Variants in SPTLC3 observed in about 807,000 individuals in gnomAD.
The protein encoded by SPTLC3 is serine palmitoyltransferase long chain base subunit 3, also known as serine palmitoyltransferase 3.
SPTLC3 carries 36 observed loss-of-function variants against 59.3 expected under a neutral mutation model. The observed-to-expected ratio is 0.61, with a 90% confidence interval of 0.47 to 0.80. The LOEUF is 0.80. Ranked by LOEUF, SPTLC3 falls within the 30% of genes least tolerant of loss-of-function variation. SPTLC3 has a pLI of 0.00. For synonymous variants in SPTLC3, 257 were observed against 240.8 expected, an observed-to-expected ratio of 1.07 and a Z score of -0.62; for missense variants, 625 against 685.1, an observed-to-expected ratio of 0.91 and a Z score of 0.98.
chr20:13,031,169 C>A (rs548352210), intron 1 of SPTLC3, among the ~76,000 whole-genome samples: 1 of 152,166 alleles, frequency 6.6e-6, no homozygotes, highest in East Asian at 1.9e-4. Flanking sequence ...AATTTGCCAA[C>A]TTCTGGACAA....
intron 4 of SPTLC3, chr20:13,080,014 C>T (rs532365213): frequency 1.9e-4 from 46 of 243,274 alleles, no homozygotes; most frequent in Non-Finnish European, 3.1e-4. Context: ...GGAAAAGATT[C>T]GGCAAAGTGA....
chr20:13,110,547 C>T (rs1336542369), intron 7 of SPTLC3, among the ~76,000 whole-genome samples: 1 of 152,132 alleles, frequency 6.6e-6, no homozygotes, highest in African/African-American at 2.4e-5. Flanking sequence ...CTGGGTTATT[C>T]AAGATCAAAA....
At chr20:13,023,453 T>C (rs979132972) in intron 1 of SPTLC3, among the ~76,000 whole-genome samples, 4 of 152,174 alleles carry the variant, frequency 2.6e-5, no homozygotes, top group Admixed American at 1.3e-4. Context: ...CTATATGTAA[T>C]AGGAGCTGAA....
chr20:13,051,608 C>T (rs917517472), intron 2 of SPTLC3, among the ~76,000 whole-genome samples: 2 of 152,200 alleles, frequency 1.3e-5, no homozygotes, highest in African/African-American at 2.4e-5. Flanking sequence ...ATATACAGAA[C>T]ATTTCATCCA....
chr20:13,082,864 A>T (rs1568593564), intron 4 of SPTLC3, among the ~76,000 whole-genome samples: 1 of 152,208 alleles, frequency 6.6e-6, no homozygotes, highest in Non-Finnish European at 1.5e-5. Context: ...ACCTGTGTAT[A>T]TCTTTTAAGG....
chr20:13,044,154 C>T (rs1339991075), intron 1 of SPTLC3, among the ~76,000 whole-genome samples: 1 of 149,520 alleles, frequency 6.7e-6, no homozygotes. Context: ...GACTGGAGTG[C>T]AGTGATGCAA....
chr20:13,012,043 T>C (rs1985281812), intron 1 of SPTLC3, among the ~76,000 whole-genome samples: 1 of 152,204 alleles, frequency 6.6e-6, no homozygotes, highest in Admixed American at 6.5e-5. Context: ...TTTGCAACTA[T>C]TATCCACATA....
At chr20:13,018,419 T>A (rs922536528) in intron 1 of SPTLC3, among the ~76,000 whole-genome samples, 3 of 152,198 alleles carry the variant, frequency 2.0e-5, no homozygotes, top group African/African-American at 7.2e-5. Context: ...AAGGACTGTA[T>A]GCTTAAGCCC....
chr20:13,037,833 C>A (rs1026739564), intron 1 of SPTLC3, among the ~76,000 whole-genome samples: 1 of 152,082 alleles, frequency 6.6e-6, no homozygotes, highest in African/African-American at 2.4e-5. Flanking sequence ...GAAGATCAGG[C>A]ACCACTTTCA....
At chr20:13,027,901 A>C (rs1487487317) in intron 1 of SPTLC3, among the ~76,000 whole-genome samples, 1 of 152,064 alleles carries the variant, frequency 6.6e-6, no homozygotes, top group Non-Finnish European at 1.5e-5. Flanking sequence ...CTTTGTCATC[A>C]CATCTCTATG....
chr20:13,109,067 A>T (rs1045972025), intron 6 of SPTLC3, among the ~76,000 whole-genome samples: 1 of 152,254 alleles, frequency 6.6e-6, no homozygotes, highest in East Asian at 1.9e-4. Flanking sequence ...GCTAGGCTTA[A>T]ATGTTAAAAA....
intron 1 of SPTLC3, among the ~76,000 whole-genome samples, chr20:13,042,989 G>A (rs1457520890): frequency 6.6e-6 from 1 of 152,074 alleles, no homozygotes; most frequent in Non-Finnish European, 1.5e-5. Context: ...TTTTAACCAG[G>A]CTCCTATGTT....
intron 1 of SPTLC3, among the ~76,000 whole-genome samples, chr20:13,033,213 T>C (rs994904688): frequency 1.3e-5 from 2 of 152,202 alleles, no homozygotes; most frequent in African/African-American, 2.4e-5. Flanking sequence ...AATTTAACAA[T>C]ATTCTGATAG....
chr20:13,064,772 G>A (rs1419143115), intron 2 of SPTLC3, among the ~76,000 whole-genome samples: 2 of 152,130 alleles, frequency 1.3e-5, no homozygotes, highest in African/African-American at 2.4e-5. Context: ...TAAATCTATA[G>A]GTTATCTTTG....
At chr20:13,161,291 G>T (rs185696586) in intron 11 of SPTLC3, among the ~76,000 whole-genome samples, 37 of 152,270 alleles carry the variant, frequency 2.4e-4, no homozygotes, top group Non-Finnish European at 5.1e-4. Flanking sequence ...ATGGGAGTGG[G>T]GGAATAGAAT....
At chr20:13,010,333 G>A (rs1266425029) in intron 1 of SPTLC3, among the ~76,000 whole-genome samples, 1 of 152,148 alleles carries the variant, frequency 6.6e-6, no homozygotes, top group Non-Finnish European at 1.5e-5. Context: ...ATCATCCAGA[G>A]AGCAAGTATC....
At chr20:13,080,195 C>T (rs151205736) in intron 4 of SPTLC3, among the ~76,000 whole-genome samples, 167 of 152,176 alleles carry the variant, frequency 1.1e-3, no homozygotes, top group African/African-American at 3.5e-3. Flanking sequence ...AAATAGGATA[C>T]GTTTTTGATA....
chr20:13,151,576 A>G (rs2038649374), intron 9 of SPTLC3, among the ~76,000 whole-genome samples: 1 of 152,198 alleles, frequency 6.6e-6, no homozygotes, highest in Non-Finnish European at 1.5e-5. Flanking sequence ...ACAAGCATGG[A>G]CAATTGGGGC....
At chr20:13,148,486 G>A (rs2122927578) in intron 9 of SPTLC3, among the ~76,000 whole-genome samples, 1 of 152,308 alleles carries the variant, frequency 6.6e-6, no homozygotes, top group Non-Finnish European at 1.5e-5. Flanking sequence ...GCTGTCGGGA[G>A]AGCAGGTCAC....
Sources: gnomAD v4.1 joint callset for allele counts (sites outside exome capture counted in the v4.1 genomes callset) on GRCh38, gnomAD v4.1.1 for gene constraint, MANE v1.5 for transcripts, NCBI Gene and HGNC (gene_info 2026-07-23, HGNC 2026-07-21) for gene names.